The following WIPF1 variants were observed in gnomAD, a reference collection of about 807,000 sequenced individuals.
The protein encoded by WIPF1 is WAS/WASL interacting protein family member 1.
Under a neutral mutation model 35.4 loss-of-function variants are expected in WIPF1, and 13 were observed. The observed-to-expected ratio is 0.37, with a 90% CI of 0.24 to 0.58. WIPF1 has a LOEUF of 0.58. Ranked by LOEUF, WIPF1 falls within the 20% of genes least tolerant of loss-of-function variation. WIPF1 has a pLI of 0.74. For missense variants in WIPF1, 591 were observed against 667.0 expected, an observed-to-expected ratio of 0.89 and a Z score of 1.25; for synonymous variants, 267 against 266.3, an observed-to-expected ratio of 1.00 and a Z score of -0.02.
chr2:174,653,238 G>A (rs1317980031), intron 1 of WIPF1, among the ~76,000 whole-genome samples: 1 of 152,176 alleles, frequency 6.6e-6, no homozygotes, highest in Non-Finnish European at 1.5e-5. Flanking sequence ...CTCCATGTTA[G>A]AATATGGTGC....
At chr2:174,581,577 T>C in intron 2 of WIPF1, 138 bp from the exon 3 acceptor site, 1 of 1,048,500 alleles carries the variant, frequency 9.5e-7, no homozygotes, top group Non-Finnish European at 1.3e-6. Context: ...CGACAAGTTT[T>C]AGACCCCATA....
rs546127588 is a variant in WIPF1 at position 174,582,958 on chromosome 2, C to T, written c.52-1519G>A. Reference sequence around the variant, plus strand: ...TATCAACCCTGTGAGTTATTATTTCCATTTTACAGACAAGGAAACTGAGGT... The same window carrying T: ...TATCAACCCTGTGAGTTATTATTTCTATTTTACAGACAAGGAAACTGAGGT... On this transcript the variant is annotated intron_variant, in intron 2 of 7. Coordinates refer to ENST00000679041, the MANE Select transcript of WIPF1 (RefSeq NM_001375834.1). Among the ~76,000 whole-genome samples, 9 of 152,262 alleles carry T rather than the reference C, an allele frequency of 5.9e-5. No homozygotes were observed. In the South Asian group the frequency reaches 1.4e-3, roughly 25 times the overall value.
intron 1 of WIPF1, among the ~76,000 whole-genome samples, chr2:174,642,611 T>C (rs1488600175): frequency 6.6e-6 from 1 of 151,516 alleles, no homozygotes; most frequent in Non-Finnish European, 1.5e-5. Context: ...CCTCCCAAAG[T>C]GCTGGGATTA....
intron 4 of WIPF1, among the ~76,000 whole-genome samples, chr2:174,573,336 G>A (rs1684936620): frequency 6.6e-6 from 1 of 151,542 alleles, no homozygotes; most frequent in Non-Finnish European, 1.5e-5. Context: ...TTGAGCACTT[G>A]CTATGCGCCT....
upstream of WIPF1, among the ~76,000 whole-genome samples, chr2:174,599,795 CT>C (rs1685937674): frequency 2.7e-5 from 2 of 73,976 alleles, no homozygotes; most frequent in African/African-American, 2.2e-4. Context: ...CACACACACT[CT>C]CTCTCTCTCT....
intron 1 of WIPF1, among the ~76,000 whole-genome samples, chr2:174,627,004 G>A (rs1276482543): frequency 1.3e-5 from 2 of 152,034 alleles, no homozygotes; most frequent in African/African-American, 4.8e-5. Context: ...CAAATTACTG[G>A]CTCCATGTTA....
chr2:174,576,787 T>G (rs1685078514), intron 3 of WIPF1, among the ~76,000 whole-genome samples: 1 of 152,190 alleles, frequency 6.6e-6, no homozygotes, highest in Non-Finnish European at 1.5e-5. Context: ...GAAGTGCAAA[T>G]TAGTTGTGTT....
At chr2:174,564,360 C>A (rs1394227767) in intron 7 of WIPF1, among the ~76,000 whole-genome samples, 1 of 152,108 alleles carries the variant, frequency 6.6e-6, no homozygotes, top group African/African-American at 2.4e-5. Flanking sequence ...GTAGCTCATG[C>A]CTATAATCCA....
intron 1 of WIPF1, among the ~76,000 whole-genome samples, chr2:174,608,502 T>C (rs762457721): frequency 9.2e-5 from 14 of 152,160 alleles, no homozygotes; most frequent in Non-Finnish European, 1.9e-4. Flanking sequence ...TTCATGTTTT[T>C]TTCTTTTTTT....
rs185147610 is a variant in WIPF1 at position 174,586,439 on chromosome 2, T to C, written c.-38-828A>G. ...GAAGAGCCTTTCTGCAGAGTGTGCT[T>C]GCTCTGAAAACAAAGGGAAGACCAG... On this transcript the variant is annotated intron_variant, in intron 1 of 7. Transcript: ENST00000679041. 6.8e-4 allele frequency among the ~76,000 whole-genome samples: 103 copies of C among 152,256 alleles called. 1 individual carries two copies. Among genetic ancestry groups the C allele is most frequent in the African/African-American group, 2.2e-3 (93 of 41,556 alleles).
At chr2:174,588,930 C>T (rs1246148797) in intron 1 of WIPF1, among the ~76,000 whole-genome samples, 1 of 152,216 alleles carries the variant, frequency 6.6e-6, no homozygotes, top group Non-Finnish European at 1.5e-5. Flanking sequence ...CCATCTCTCA[C>T]TCCCCTCCAG....
In WIPF1 at chr2:174,571,363, A is replaced by C; in HGVS notation, c.1129+313T>G. 1 of 568,476 alleles carries C rather than the reference A, an allele frequency of 1.8e-6. No homozygotes were observed. The highest frequency in any genetic ancestry group is 3.0e-5 in the East Asian group (1 of 32,958). 35.2% of individuals were successfully genotyped at this position (568,476 alleles called of 1,614,324 possible). ...GAAATTCTCTCTAGGGAGGCAGGGT[A>C]GTGGACTGGCAAGTACACTTCAGAG... On this transcript the variant is annotated intron_variant, in intron 5 of 7. Coordinates refer to ENST00000679041, the MANE Select transcript of WIPF1 (RefSeq NM_001375834.1). The surrounding 1 kb of genome is among the most constrained non-coding windows in gnomAD (Gnocchi z 4.6).
chr2:174,562,690 A>T, intron 7 of WIPF1, 88 bp from the exon 8 acceptor site: 1 of 1,533,638 alleles, frequency 6.5e-7, no homozygotes, highest in South Asian at 1.2e-5. Context: ...ACGGGTACCC[A>T]CTACCTCATC....
rs763625528 is a variant in WIPF1 at position 174,575,285 on chromosome 2, C to T, written c.277G>A (p.Gly93Arg). 1 of 1,613,988 alleles carries T rather than the reference C, an allele frequency of 6.2e-7. No homozygotes were observed. Among genetic ancestry groups the T allele is most frequent in the East Asian group, 2.2e-5 (1 of 44,868 alleles). The change falls in exon 4 of 8, where the codon GGA (glycine) becomes AGA (arginine). Residue 93 changes from glycine (G) to arginine (R), a missense_variant. Transcript: ENST00000679041. ...GGGGGGGGSF[G>R]GGGPPGLGGL... ...CCCAGACCTGGAGGTCCGCCCCCTC[C>T]AAAACTTCCACCGCCTCCGCCACCA...
chr2:174,672,734 C>A (rs1688046843), intron 1 of WIPF1, among the ~76,000 whole-genome samples: 1 of 152,204 alleles, frequency 6.6e-6, no homozygotes, highest in Admixed American at 6.5e-5. Flanking sequence ...TGGCCACCAT[C>A]TTCTCCCTGT....
At position 174,609,306 on chromosome 2, in the gene WIPF1, T is replaced by C. The variant is rs148525582; in HGVS notation, c.-38-23695A>G. ...TTTATACATAAACTCAAAATAGTTA[T>C]TGCACTGTTGTATTCATTCCCTGTA... On this transcript the variant is annotated intron_variant, in intron 1 of 8. Transcript: ENST00000272746. 9.2e-5 allele frequency among the ~76,000 whole-genome samples: 14 copies of C among 152,392 alleles called. No individual in the cohort carries two copies. The East Asian group carries it at 2.7e-3, about 29-fold the overall frequency.
chr2:174,660,490 C>T lies in WIPF1; in HGVS notation c.-39+22284G>A, dbSNP rs570816049. Among the ~76,000 whole-genome samples, 9 of 152,274 alleles carry T rather than the reference C, an allele frequency of 5.9e-5. No homozygotes were observed. In the South Asian group the frequency reaches 1.7e-3, roughly 28 times the overall value. On this transcript the variant is annotated intron_variant, in intron 1 of 8. Transcript: ENST00000272746. ...CCCAGGGCAGAGATTTTCACATCTG[C>T]ACCAGGACAGGACAGCTGGGTTCAC...
chr2:174,651,056 C>T (rs965089571), intron 1 of WIPF1, among the ~76,000 whole-genome samples: 1 of 152,258 alleles, frequency 6.6e-6, no homozygotes, highest in African/African-American at 2.4e-5. Flanking sequence ...CACACAACTT[C>T]TCGGAAGAGA....
At chr2:174,639,324 T>C (rs1029029358) in intron 1 of WIPF1, among the ~76,000 whole-genome samples, 11 of 152,208 alleles carry the variant, frequency 7.2e-5, no homozygotes, top group Admixed American at 4.6e-4. Flanking sequence ...GGCATGATCA[T>C]AGCTCACTGC....
Sources: allele counts gnomAD v4.1 joint callset (sites outside exome capture counted in the v4.1 genomes callset), GRCh38; gene constraint gnomAD v4.1.1; non-coding constraint Gnocchi (gnomAD v3.1); transcripts MANE v1.5; gene names NCBI Gene and HGNC (gene_info 2026-07-23, HGNC 2026-07-21).